Variants in HECW2 observed in about 807,000 individuals in gnomAD.
The protein encoded by HECW2 is HECT, C2 and WW domain containing E3 ubiquitin protein ligase 2.
Under a neutral mutation model 175.2 loss-of-function variants are expected in HECW2, and 61 were observed. That is an observed-to-expected ratio of 0.35 (90% CI 0.28 to 0.43). HECW2 has a LOEUF of 0.43. HECW2 is among the 20% of genes least tolerant of loss of function. The pLI, the probability that HECW2 is intolerant of heterozygous loss-of-function variation, is 1.00. For synonymous variants in HECW2, 671 were observed against 731.0 expected (o/e 0.92, Z 1.32); for missense variants, 1,524 against 2,000.5 (o/e 0.76, Z 4.54).
chr2:196,299,426 G>A (rs1197974182), intron 13 of HECW2, among the ~76,000 whole-genome samples: 1 of 151,796 alleles, frequency 6.6e-6, no homozygotes, highest in Non-Finnish European at 1.5e-5. Context: ...TAACAAACAC[G>A]GTAAGGACAT....
chr2:196,504,960 C>T (rs1045314973), intron 1 of HECW2, among the ~76,000 whole-genome samples: 12 of 152,020 alleles, frequency 7.9e-5, no homozygotes, highest in African/African-American at 2.7e-4. Flanking sequence ...TCTGACCACA[C>T]CAAACAGAGC....
At chr2:196,245,619 G>A (rs1014660869) in intron 19 of HECW2, among the ~76,000 whole-genome samples, 2 of 152,170 alleles carry the variant, frequency 1.3e-5, no homozygotes, top group African/African-American at 4.8e-5. Context: ...GAGATCCCAC[G>A]TAAGTGTTAG....
intron 2 of HECW2, among the ~76,000 whole-genome samples, chr2:196,348,755 T>C (rs568958760): frequency 1.1e-4 from 16 of 152,374 alleles, no homozygotes; most frequent in African/African-American, 3.8e-4. Flanking sequence ...TTCCTTTAAC[T>C]GAGTAAAGGT....
At chr2:196,298,348 C>CA (rs141014169) in intron 13 of HECW2, among the ~76,000 whole-genome samples, 23,312 of 151,624 alleles carry the variant, frequency 0.15, 2,060 homozygotes, top group Middle Eastern at 0.25. Flanking sequence ...AACCACAATG[C>CA]AAAAAAAGAA....
intron 1 of HECW2, among the ~76,000 whole-genome samples, chr2:196,563,498 G>A (rs555600289): frequency 3.3e-4 from 50 of 149,404 alleles, no homozygotes; most frequent in East Asian, 3.9e-4. Context: ...CCCAGGAGGC[G>A]GAGGTTGTAG....
At chr2:196,289,328 C>T (rs1902271) in intron 14 of HECW2, 99,156 of 152,076 alleles carry the variant, frequency 0.65, 35,776 homozygotes, top group East Asian at 0.96. Flanking sequence ...TAGTTAATAG[C>T]TTTGATGTTG....
At chr2:196,466,100 T>C (rs1696942575) in intron 1 of HECW2, among the ~76,000 whole-genome samples, 3 of 152,224 alleles carry the variant, frequency 2.0e-5, no homozygotes, top group Admixed American at 2.0e-4. Context: ...TTGTCACACC[T>C]ATATACCAGC....
rs535765611 is a variant in HECW2, at chr2:196,209,864, C to T, written c.4607+6001G>A. On this transcript the variant is annotated intron_variant, in intron 28 of 28. Transcript: ENST00000644978. The stretch of plus-strand genomic sequence containing the variant: ...CTGCAAGCTCCGCCTCCCGGGCTCC[C>T]GCCATTCTCCTGCCTCTGCCTCCCG... Among the ~76,000 whole-genome samples, 7 of 152,064 alleles carry T rather than the reference C, an allele frequency of 4.6e-5. No homozygotes were observed. In the South Asian group the frequency reaches 6.2e-4, roughly 14 times the overall value.
At chr2:196,484,831 C>A (rs1686948441) in intron 1 of HECW2, among the ~76,000 whole-genome samples, 1 of 152,228 alleles carries the variant, frequency 6.6e-6, no homozygotes, top group Admixed American at 6.5e-5. Context: ...GGACTTTCAA[C>A]TTCATCTTGA....
intron 1 of HECW2, among the ~76,000 whole-genome samples, chr2:196,589,700 C>T (rs79608050): frequency 1.3e-5 from 2 of 152,266 alleles, no homozygotes; most frequent in East Asian, 3.9e-4. Context: ...AAGATCTGGA[C>T]CAGACACTAG....
intron 20 of HECW2, 63 bp from the exon 21 acceptor site, chr2:196,240,625 T>G: frequency 7.2e-7 from 1 of 1,382,132 alleles, no homozygotes; most frequent in East Asian, 2.7e-5. Context: ...GATAATTTAC[T>G]TATCTTTCTA....
intron 1 of HECW2, among the ~76,000 whole-genome samples, chr2:196,504,357 G>A (rs1238333243): frequency 1.3e-5 from 2 of 150,756 alleles, no homozygotes; most frequent in Non-Finnish European, 2.9e-5. Flanking sequence ...ACAGGTGCCG[G>A]GACCCTGTTA....
In HECW2 at chr2:196,319,150, T is replaced by C. The variant is rs770590234; in HGVS notation, c.1740A>G (p.Ala580=). 1 of 1,594,086 alleles carries C rather than the reference T, an allele frequency of 6.3e-7. No homozygotes were observed. Among genetic ancestry groups the C allele is most frequent in the Admixed American group, 1.7e-5 (1 of 58,564 alleles). ...CTGATGCATCGGAAGTCCCTGTGTC[T>C]GCGCCACTTGTGGGCTGATCTACCT... is the stretch of plus-strand genomic sequence containing the variant. ...SQEVDQPTSG[A]DTGTSDASGG... The change falls in exon 9 of 29, where the codon GCA becomes GCG. Residue 580 remains alanine, a synonymous_variant. Transcript: ENST00000644978.
chr2:196,414,796 C>A (rs1429803320), intron 2 of HECW2, among the ~76,000 whole-genome samples: 1 of 152,180 alleles, frequency 6.6e-6, no homozygotes, highest in Non-Finnish European at 1.5e-5. Flanking sequence ...TGTGTTCTTG[C>A]CCCAACAACT....
At chr2:196,561,966 A>C (rs969742366) in intron 1 of HECW2, among the ~76,000 whole-genome samples, 1 of 152,250 alleles carries the variant, frequency 6.6e-6, no homozygotes, top group African/African-American at 2.4e-5. Flanking sequence ...TTCACTAAGA[A>C]TAAGTTATGC....
chr2:196,376,340 T>C (rs1694050686), intron 2 of HECW2, among the ~76,000 whole-genome samples: 1 of 152,088 alleles, frequency 6.6e-6, no homozygotes, highest in Non-Finnish European at 1.5e-5. Flanking sequence ...TAAATTAAAA[T>C]AGATTTTCGG....
At chr2:196,463,783 T>C (rs1230747482) in intron 1 of HECW2, among the ~76,000 whole-genome samples, 1 of 152,222 alleles carries the variant, frequency 6.6e-6, no homozygotes, top group East Asian at 1.9e-4. Context: ...TACAACCAGG[T>C]GGCAGCCTGT....
chr2:196,327,755 G>C (rs540064790), intron 5 of HECW2, among the ~76,000 whole-genome samples: 1 of 152,326 alleles, frequency 6.6e-6, no homozygotes, highest in East Asian at 1.9e-4. Context: ...TATATGGTAA[G>C]AAATAAAACA....
At position 196,306,579 on chromosome 2, in the gene HECW2, G is replaced by A. The variant is rs1229703288; in HGVS notation, c.2723C>T (p.Thr908Ile). 1 of 1,613,170 alleles carries A rather than the reference G, an allele frequency of 6.2e-7. No homozygotes were observed. Among genetic ancestry groups the A allele is most frequent in the South Asian group, 1.1e-5 (1 of 90,886 alleles). Residue 908 changes from threonine (T) to isoleucine (I), a missense_variant, in exon 13 of 29, where the codon ACC becomes ATC. Thr to Ile is a moderately conservative substitution (Grantham distance 89). Coordinates refer to ENST00000644978, the MANE Select transcript of HECW2 (RefSeq NM_001348768.2). ...FRRENILPHS[T>I]SRSRITLLLQ... ...CAGCAACGTGATCCTGGATCTGGAGGTAGAGTGAGGCAGGATGTTCTCCCG... is the reference window on the plus strand; with the variant it reads ...CAGCAACGTGATCCTGGATCTGGAGATAGAGTGAGGCAGGATGTTCTCCCG...
Sources: gnomAD v4.1 joint callset for allele counts (sites outside exome capture counted in the v4.1 genomes callset) on GRCh38, gnomAD v4.1.1 for gene constraint, MANE v1.5 for transcripts, NCBI Gene and HGNC (gene_info 2026-07-23, HGNC 2026-07-21) for gene names.